Variants in MYO3B observed in about 807,000 individuals in gnomAD.
MYO3B encodes the protein myosin IIIB, also known as myosin-IIIb.
Under a neutral mutation model 174.6 loss-of-function variants are expected in MYO3B, and 156 were observed. That is an observed-to-expected ratio of 0.89 (90% confidence interval 0.78 to 1.02). The LOEUF is 1.02. Ranked by LOEUF, MYO3B falls within the 50% of genes least tolerant of loss-of-function variation. The probability of loss-of-function intolerance (pLI) is 0.00; values close to 1 mark genes in which losing one functional copy is unlikely to be tolerated. For synonymous variants in MYO3B, 563 were observed against 569.1 expected, an observed-to-expected ratio of 0.99 and a Z score of 0.15; for missense variants, 1,632 against 1,639.4, an observed-to-expected ratio of 1.00 and a Z score of 0.08.
intron 6 of MYO3B, among the ~76,000 whole-genome samples, chr2:170,219,947 G>C (rs1030725957): frequency 3.3e-5 from 5 of 152,174 alleles, no homozygotes; most frequent in African/African-American, 9.6e-5. Flanking sequence ...ATGTATAAAT[G>C]GCTTTGTACA....
At chr2:170,280,510 A>G (rs1045330204) in intron 7 of MYO3B, among the ~76,000 whole-genome samples, 1 of 148,612 alleles carries the variant, frequency 6.7e-6, no homozygotes. Context: ...CAATTTTGCC[A>G]TGAAATTTTT....
At chr2:170,594,328 C>T (rs1694005039) in intron 32 of MYO3B, among the ~76,000 whole-genome samples, 1 of 151,992 alleles carries the variant, frequency 6.6e-6, no homozygotes, top group Non-Finnish European at 1.5e-5. Context: ...CAGTGCATGG[C>T]GAAGCTAGGG....
chr2:170,381,685 T>G (rs1156405451), intron 9 of MYO3B, among the ~76,000 whole-genome samples: 1 of 152,214 alleles, frequency 6.6e-6, no homozygotes. Flanking sequence ...CAGTGAGAAC[T>G]ATGTGCCTGA....
chr2:170,632,029 A>G (rs1311583356), intron 32 of MYO3B, among the ~76,000 whole-genome samples: 2 of 151,974 alleles, frequency 1.3e-5, no homozygotes, highest in African/African-American at 2.4e-5. Flanking sequence ...CTCCCACACA[A>G]TAATAGTGGG....
At chr2:170,638,191 A>G (rs1042030792) in intron 32 of MYO3B, among the ~76,000 whole-genome samples, 5 of 151,678 alleles carry the variant, frequency 3.3e-5, no homozygotes, top group Non-Finnish European at 1.5e-5. Context: ...TGCCCTCTCT[A>G]TGTGTAAAAA....
At chr2:170,377,464 G>A (rs1387744244) in intron 9 of MYO3B, among the ~76,000 whole-genome samples, 3 of 152,088 alleles carry the variant, frequency 2.0e-5, no homozygotes, top group African/African-American at 7.2e-5. Context: ...CTATTCTTAC[G>A]CTGCACTCAT....
intron 32 of MYO3B, among the ~76,000 whole-genome samples, chr2:170,552,213 T>C (rs532264207): frequency 1.3e-5 from 2 of 152,240 alleles, no homozygotes; most frequent in East Asian, 3.9e-4. Flanking sequence ...AACTGGGTAA[T>C]GGGCAGAGGT....
chr2:170,404,891 A>T (rs2094500724), intron 20 of MYO3B, among the ~76,000 whole-genome samples: 1 of 152,190 alleles, frequency 6.6e-6, no homozygotes, highest in Admixed American at 6.5e-5. Context: ...TATCTACAGG[A>T]TGAATATAGG....
intron 32 of MYO3B, among the ~76,000 whole-genome samples, chr2:170,630,473 G>T (rs1280647428): frequency 6.6e-6 from 1 of 152,184 alleles, no homozygotes; most frequent in Non-Finnish European, 1.5e-5. Context: ...TGGAGGCAGG[G>T]CATAGCTAAA....
chr2:170,511,287 C>G (rs928988712), intron 28 of MYO3B, among the ~76,000 whole-genome samples: 1 of 151,428 alleles, frequency 6.6e-6, no homozygotes, highest in African/African-American at 2.4e-5. Context: ...AGGATGGTCT[C>G]GATCTCCTGA....
At chr2:170,219,242 C>T (rs1300385592) in intron 6 of MYO3B, among the ~76,000 whole-genome samples, 1 of 152,208 alleles carries the variant, frequency 6.6e-6, no homozygotes, top group East Asian at 1.9e-4. Flanking sequence ...ATCACCACTG[C>T]ATTGTAGTTG....
chr2:170,556,803 T>C (rs1189227703), intron 32 of MYO3B, among the ~76,000 whole-genome samples: 2 of 152,206 alleles, frequency 1.3e-5, no homozygotes, highest in Admixed American at 1.3e-4. Context: ...ATTACAGGCG[T>C]GAGCCACTGC....
intron 32 of MYO3B, among the ~76,000 whole-genome samples, chr2:170,573,541 CAG>C (rs1318657327): frequency 6.6e-6 from 1 of 151,984 alleles, no homozygotes; most frequent in African/African-American, 2.4e-5. Context: ...TATAAATAAT[CAG>C]AAATAATTTG....
chr2:170,411,146 C>T (rs1574938279), intron 22 of MYO3B, among the ~76,000 whole-genome samples: 1 of 152,344 alleles, frequency 6.6e-6, no homozygotes, highest in East Asian at 1.9e-4. Flanking sequence ...GCTTTCAAAA[C>T]AGCCCCAGGA....
At position 170,267,537 on chromosome 2, in the gene MYO3B, C is replaced by G. The variant is rs150956074; in HGVS notation, c.749+31401C>G. On this transcript the variant is annotated intron_variant, in intron 7 of 34. Coordinates refer to ENST00000408978, the MANE Select transcript of MYO3B (RefSeq NM_138995.5). ...ATATACAGTTTTGTATCTGTTTTTACCATAGAGACAAGATAAATATCATTA... is the reference window on the plus strand; with the variant it reads ...ATATACAGTTTTGTATCTGTTTTTAGCATAGAGACAAGATAAATATCATTA... Among the ~76,000 whole-genome samples, 304 of 152,178 alleles carry G rather than the reference C, an allele frequency of 2.0e-3. 1 individual carries two copies. The highest frequency in any genetic ancestry group is 6.8e-3 in the African/African-American group (283 of 41,530).
intron 1 of MYO3B, among the ~76,000 whole-genome samples, chr2:170,190,079 G>T (rs1296640514): frequency 6.6e-6 from 1 of 152,220 alleles, no homozygotes; most frequent in Non-Finnish European, 1.5e-5. Flanking sequence ...CAGTAACACT[G>T]TGGTTCTTGC....
At chr2:170,526,440 T>C (rs934508549) in intron 30 of MYO3B, among the ~76,000 whole-genome samples, 2 of 152,214 alleles carry the variant, frequency 1.3e-5, no homozygotes, top group Non-Finnish European at 2.9e-5. Context: ...TAGACTAAAA[T>C]AAGCATTGAG....
At chr2:170,238,275 T>G (rs771798952) in intron 7 of MYO3B, among the ~76,000 whole-genome samples, 7 of 152,224 alleles carry the variant, frequency 4.6e-5, no homozygotes, top group Non-Finnish European at 7.3e-5. Flanking sequence ...TAAGCATTTA[T>G]GTATTTTAAA....
At chr2:170,581,007 A>T (rs912167202) in intron 32 of MYO3B, among the ~76,000 whole-genome samples, 3 of 152,130 alleles carry the variant, frequency 2.0e-5, no homozygotes, top group Admixed American at 6.5e-5. Context: ...TTCATGTAGA[A>T]GCACAAGAAA....
Sources: gnomAD v4.1 joint callset for allele counts (sites outside exome capture counted in the v4.1 genomes callset) on GRCh38, gnomAD v4.1.1 for gene constraint, MANE v1.5 for transcripts, NCBI Gene and HGNC (gene_info 2026-07-23, HGNC 2026-07-21) for gene names.